Variants in CA1 observed in about 807,000 individuals in gnomAD.
CA1 encodes carbonate dehydratase I.
Under a neutral mutation model 28.8 loss-of-function variants are expected in CA1, and 27 were observed. The ratio of observed to expected loss-of-function variants is 0.94; its 90% CI spans 0.69 to 1.29. CA1 has a LOEUF of 1.29. CA1 is among the 50% of genes most tolerant of loss of function. The probability of loss-of-function intolerance (pLI) is 0.00; values close to 1 mark genes in which losing one functional copy is unlikely to be tolerated. For missense variants in CA1, 335 were observed against 310.5 expected, an observed-to-expected ratio of 1.08 and a Z score of -0.59; for synonymous variants, 121 against 108.8, an observed-to-expected ratio of 1.11 and a Z score of -0.70.
intron 1 of CA1, among the ~76,000 whole-genome samples, chr8:85,371,400 A>T (rs923519838): frequency 7.2e-6 from 1 of 139,680 alleles, no homozygotes; most frequent in Non-Finnish European, 1.5e-5. Flanking sequence ...GAAAGTGCAC[A>T]TATTCTCAGG....
In CA1 at chr8:85,328,361, A is replaced by G. The variant is rs2130103065; in HGVS notation, c.*199T>C. The G allele has an allele frequency of 2.3e-6, 1 of 433,856 alleles. No homozygotes were observed. Among genetic ancestry groups the G allele is most frequent in the South Asian group, 4.1e-5 (1 of 24,558 alleles). 26.9% of individuals were successfully genotyped at this position (433,856 alleles called of 1,614,324 possible). ...CATAAGCTTATGCTTACAGATTACT[A>G]TTTGCTAGCTTACTAATTATTATTT... On this transcript the variant is annotated 3_prime_UTR_variant, in exon 8 of 8. Coordinates refer to ENST00000523022, the MANE Select transcript of CA1 (RefSeq NM_001128831.4).
At chr8:85,328,758 A>G in intron 7 of CA1, 82 bp from the exon 8 acceptor site, 1 of 791,906 alleles carries the variant, frequency 1.3e-6, no homozygotes. Flanking sequence ...TAACGCACTG[A>G]TATTTAGAAA....
chr8:85,361,877 C>A (rs951154144), intron 1 of CA1, among the ~76,000 whole-genome samples: 1 of 152,116 alleles, frequency 6.6e-6, no homozygotes, highest in Non-Finnish European at 1.5e-5. Context: ...TGCAAGTTAC[C>A]TTCTCTGGGC....
At chr8:85,347,498 A>G (rs1466854919) in intron 1 of CA1, among the ~76,000 whole-genome samples, 4 of 152,212 alleles carry the variant, frequency 2.6e-5, no homozygotes, top group Non-Finnish European at 5.9e-5. Flanking sequence ...AAACAGCCAG[A>G]AAATAGTCAT....
chr8:85,337,537 TC>T (rs1019595232), intron 3 of CA1, among the ~76,000 whole-genome samples: 1 of 152,140 alleles, frequency 6.6e-6, no homozygotes, highest in African/African-American at 2.4e-5. Flanking sequence ...TTGTTGAGAA[TC>T]CCTGGCCAGG....
intron 1 of CA1, among the ~76,000 whole-genome samples, chr8:85,343,705 C>T (rs1809018537): frequency 6.6e-6 from 1 of 152,108 alleles, no homozygotes; most frequent in African/African-American, 2.4e-5. Flanking sequence ...CTTTAACATC[C>T]ATATGGAATG....
intron 1 of CA1, among the ~76,000 whole-genome samples, chr8:85,375,702 A>G (rs891757059): frequency 4.6e-5 from 7 of 152,192 alleles, no homozygotes; most frequent in South Asian, 2.1e-4. Context: ...ATGAACCTCA[A>G]AATAACTCGA....
chr8:85,329,590 C>T (rs1808311933), intron 7 of CA1, 99 bp downstream of exon 7: 2 of 1,114,460 alleles, frequency 1.8e-6, no homozygotes, highest in Non-Finnish European at 2.7e-6. Context: ...ATGAACTTCT[C>T]ACAAAGCTGA....
chr8:85,337,759 T>C (rs1383262388), intron 3 of CA1, among the ~76,000 whole-genome samples: 1 of 152,210 alleles, frequency 6.6e-6, no homozygotes, highest in Non-Finnish European at 1.5e-5. Flanking sequence ...TATGGAATTG[T>C]CATTTAATAA....
Position 85,338,189 on chromosome 8 carries a change from C to A in CA1, c.235+63G>T, listed in dbSNP as rs751970880. On this transcript the variant is annotated intron_variant, in intron 3 of 7. Transcript: ENST00000523022. Reference sequence around the variant, plus strand: ...GAATGGGTGTCATATTTCTCGAGCACTATTTTTTAAATTTTCCCAGTAGAC... The same window carrying A: ...GAATGGGTGTCATATTTCTCGAGCAATATTTTTTAAATTTTCCCAGTAGAC... 3.8e-5 allele frequency: 51 copies of A among 1,331,514 alleles called. No homozygotes were observed. The South Asian group carries it at 5.2e-4, about 13-fold the overall frequency. The allele number at this position is 1,331,514 out of a possible 1,614,324, so 82.5% of individuals were successfully genotyped here. A position where few individuals can be genotyped will look rare whatever the true frequency, so the allele number is the denominator to read the frequency against.
At chr8:85,363,478 C>G (rs1031174564) in intron 1 of CA1, among the ~76,000 whole-genome samples, 4 of 152,210 alleles carry the variant, frequency 2.6e-5, no homozygotes, top group African/African-American at 9.7e-5. Flanking sequence ...CTTCTTGCCT[C>G]CAAATGAATT....
chr8:85,354,295 CT>C (rs11372515), intron 1 of CA1, among the ~76,000 whole-genome samples: 2 of 147,546 alleles, frequency 1.4e-5, no homozygotes, highest in Non-Finnish European at 3.0e-5. Flanking sequence ...TCTTTTTTTT[CT>C]TTTTTTTTTA....
chr8:85,349,426 C>T (rs1461822781), intron 1 of CA1, among the ~76,000 whole-genome samples: 1 of 152,194 alleles, frequency 6.6e-6, no homozygotes, highest in Non-Finnish European at 1.5e-5. Context: ...ATTATAAAAT[C>T]AAACTAACAG....
In CA1 at chr8:85,329,692, C is replaced by T. The variant is rs1808316958; in HGVS notation, c.666G>A (p.Glu222=). 6.2e-7 allele frequency: 1 copy of T among 1,610,408 alleles called. No homozygotes were observed. The highest frequency in any genetic ancestry group is 1.3e-5 in the African/African-American group (1 of 74,844). ...TCCCATTCATTCACAACTCTACCTG[C>T]TCTGAGCTGACACTGATGCTCTCCT... The part of the protein sequence containing the change: ...ICKESISVSS[E]QLAQFRSLLS... The change falls in exon 7 of 8, where the codon GAG becomes GAA. Residue 222 remains glutamate, a synonymous_variant. Coordinates refer to ENST00000523022, the MANE Select transcript of CA1 (RefSeq NM_001128831.4).
At chr8:85,361,303 G>A (rs761640429) in intron 1 of CA1, among the ~76,000 whole-genome samples, 1 of 152,104 alleles carries the variant, frequency 6.6e-6, no homozygotes, top group Non-Finnish European at 1.5e-5. Flanking sequence ...AGTTCATGAA[G>A]ACCACCAGAT....
At chr8:85,349,626 G>A (rs1690331539) in intron 1 of CA1, among the ~76,000 whole-genome samples, 1 of 152,164 alleles carries the variant, frequency 6.6e-6, no homozygotes, top group Non-Finnish European at 1.5e-5. Flanking sequence ...GCTGCATGCT[G>A]TGGTTTTTGC....
At chr8:85,355,891 C>T (rs887926931) in intron 1 of CA1, among the ~76,000 whole-genome samples, 1 of 152,000 alleles carries the variant, frequency 6.6e-6, no homozygotes, top group East Asian at 1.9e-4. Context: ...GAACCTCAGC[C>T]TGCCATGACT....
chr8:85,329,607 T>A lies in CA1; in HGVS notation c.669+82A>T, dbSNP rs1289727098. 2.0e-5 allele frequency: 24 copies of A among 1,205,182 alleles called. No homozygotes were observed. The South Asian group carries it at 3.1e-4, about 16-fold the overall frequency. 74.7% of individuals were successfully genotyped at this position (1,205,182 alleles called of 1,614,324 possible). A position where few individuals can be genotyped will look rare whatever the true frequency, so the allele number is the denominator to read the frequency against. On this transcript the variant is annotated intron_variant, in intron 7 of 7. Coordinates refer to ENST00000523022, the MANE Select transcript of CA1 (RefSeq NM_001128831.4). ...GAACTTCTCACAAAGCTGACTGAAA[T>A]AATAATCTCTCTCACTGATACTATC...
intron 1 of CA1, among the ~76,000 whole-genome samples, chr8:85,355,872 A>G (rs1266047768): frequency 1.3e-5 from 2 of 151,446 alleles, no homozygotes; most frequent in Non-Finnish European, 2.9e-5. Flanking sequence ...CTTCTTATTG[A>G]AAGATCAAGA....
Sources: allele counts gnomAD v4.1 joint callset (sites outside exome capture counted in the v4.1 genomes callset), GRCh38; gene constraint gnomAD v4.1.1; transcripts MANE v1.5; gene names NCBI Gene and HGNC (gene_info 2026-07-23, HGNC 2026-07-21).